NIPSNAP1: variants seen among roughly 807,000 people sequenced by gnomAD.
NIPSNAP1 encodes the protein protein NipSnap homolog 1.
NIPSNAP1 carries 25 observed loss-of-function variants against 49.2 expected under a neutral mutation model. That is an observed-to-expected ratio of 0.51 (90% confidence interval 0.37 to 0.71). NIPSNAP1 has a LOEUF of 0.71. Among genes scored for constraint, NIPSNAP1 ranks in the 30% least tolerant of loss-of-function variants. The pLI is 0.00. For synonymous variants in NIPSNAP1, 143 were observed against 140.7 expected (o/e 1.02, Z -0.12); for missense variants, 294 against 361.0 (o/e 0.81, Z 1.50).
intron 1 of NIPSNAP1, 52 bp downstream of exon 1, chr22:29,580,933 G>A: frequency 2.7e-5 from 37 of 1,385,606 alleles, no homozygotes; most frequent in Non-Finnish European, 3.5e-5. Flanking sequence ...CCTGGCCCCC[G>A]CGCCTGCACC....
Position 29,561,666 on chromosome 22 carries a change from G to A in NIPSNAP1, c.439-20C>T, listed in dbSNP as rs748285469. 1 of 1,614,104 alleles carries A rather than the reference G, an allele frequency of 6.2e-7. No individual in the cohort carries two copies. ...GTACTCCTGTGGGCATGGTGGTAAA[G>A]GCATGGCTACCAGGAAGTGCGCTCC... On this transcript the variant is annotated intron_variant, in intron 5 of 9. Coordinates refer to ENST00000216121, the MANE Select transcript of NIPSNAP1 (RefSeq NM_003634.4).
In NIPSNAP1 at chr22:29,561,583, G is replaced by A; in HGVS notation, c.502C>T (p.Leu168Phe). The change falls in exon 6 of 10, where the codon CTC (leucine) becomes TTC (phenylalanine). Residue 168 changes from leucine to phenylalanine, a missense_variant. Leu to Phe is a conservative substitution (Grantham distance 22). This residue lies in a region of NIPSNAP1 where 146 missense variants were observed against 219.9 expected (regional missense o/e 0.66). Transcript: ENST00000216121. ...MLLSRRNQLL[L>F]EFSFWNEPQP... ...GGCTCATTCCAGAAGCTGAACTCGA[G>A]GAGCAGCTGGTTTCTCCTGGACAGC... The A allele has an allele frequency of 1.9e-6, 3 of 1,614,070 alleles. No individual in the cohort carries two copies. The highest frequency in any genetic ancestry group is 2.5e-6 in the Non-Finnish European group (3 of 1,179,996).
At chr22:29,576,828 G>A (rs994260704) in intron 1 of NIPSNAP1, among the ~76,000 whole-genome samples, 2 of 151,022 alleles carry the variant, frequency 1.3e-5, no homozygotes, top group African/African-American at 2.5e-5. Context: ...GGGAGGCTGA[G>A]GCAGGAGAAT....
intron 1 of NIPSNAP1, among the ~76,000 whole-genome samples, chr22:29,572,084 C>T (rs1416685389): frequency 6.6e-6 from 1 of 152,118 alleles, no homozygotes; most frequent in Non-Finnish European, 1.5e-5. Context: ...AGGCAGATCA[C>T]CTGAGGTCAG....
intron 1 of NIPSNAP1, among the ~76,000 whole-genome samples, chr22:29,574,104 T>G (rs962462592): frequency 6.7e-6 from 1 of 148,720 alleles, no homozygotes; most frequent in Non-Finnish European, 1.5e-5. Context: ...TAAAAAAAGA[T>G]ACAAAATATT....
chr22:29,558,223 A>G (rs1481061670), intron 9 of NIPSNAP1, among the ~76,000 whole-genome samples: 5 of 152,182 alleles, frequency 3.3e-5, no homozygotes, highest in Admixed American at 3.3e-4. Flanking sequence ...TAATCACAGC[A>G]CTTTGGGAGG....
intron 9 of NIPSNAP1, among the ~76,000 whole-genome samples, chr22:29,558,570 A>G (rs1389384586): frequency 6.6e-6 from 1 of 152,224 alleles, no homozygotes; most frequent in Non-Finnish European, 1.5e-5. Context: ...ACTATCTTAC[A>G]GACGAGGGAA....
At chr22:29,559,579 C>T (rs997884888) in intron 8 of NIPSNAP1, among the ~76,000 whole-genome samples, 3 of 151,840 alleles carry the variant, frequency 2.0e-5, no homozygotes, top group African/African-American at 4.8e-5. Context: ...GCCAAAATTA[C>T]GCTCCTGACC....
chr22:29,561,385 C>T (rs1314240128), intron 6 of NIPSNAP1, 121 bp downstream of exon 6: 19 of 1,499,252 alleles, frequency 1.3e-5, no homozygotes. Flanking sequence ...GTATACAACT[C>T]TGCTCTGAGC....
intron 1 of NIPSNAP1, chr22:29,579,888 G>A (rs376239161): frequency 3.4e-5 from 12 of 357,658 alleles, no homozygotes; most frequent in Non-Finnish European, 5.5e-5. Context: ...CTTTTCCCAC[G>A]GTGTCAGCTT....
intron 4 of NIPSNAP1, among the ~76,000 whole-genome samples, chr22:29,563,098 T>TA (rs695281): frequency 1.4e-3 from 178 of 131,332 alleles, no homozygotes; most frequent in East Asian, 7.0e-3. Context: ...GACTCCATCT[T>TA]AAAAAAAAAA....
intron 1 of NIPSNAP1, among the ~76,000 whole-genome samples, chr22:29,574,865 G>A (rs1022742737): frequency 1.3e-5 from 2 of 151,814 alleles, no homozygotes; most frequent in Non-Finnish European, 2.9e-5. Context: ...GAGGCTCTAA[G>A]CCAGGGATCT....
chr22:29,570,949 G>GC (rs1196448954), intron 1 of NIPSNAP1, among the ~76,000 whole-genome samples: 1 of 151,832 alleles, frequency 6.6e-6, no homozygotes, highest in African/African-American at 2.4e-5. Context: ...CTCCCCTCCT[G>GC]CCCCCTCACC....
At chr22:29,577,136 T>C (rs2064458881) in intron 1 of NIPSNAP1, among the ~76,000 whole-genome samples, 1 of 151,072 alleles carries the variant, frequency 6.6e-6, no homozygotes, top group Non-Finnish European at 1.5e-5. Context: ...TCACCCAGGC[T>C]GGAGTGCAGT....
chr22:29,567,175 T>C (rs999152189), intron 4 of NIPSNAP1, among the ~76,000 whole-genome samples: 1 of 152,174 alleles, frequency 6.6e-6, no homozygotes, highest in African/African-American at 2.4e-5. Context: ...GCTATCATTT[T>C]GGACAGTGTG....
At chr22:29,567,449 G>A (rs1416368131) in intron 4 of NIPSNAP1, among the ~76,000 whole-genome samples, 3 of 152,178 alleles carry the variant, frequency 2.0e-5, no homozygotes, top group African/African-American at 4.8e-5. Context: ...TGATCAGGGC[G>A]TGAGGAGGTA....
At chr22:29,557,509 C>A (rs2146599616) in intron 9 of NIPSNAP1, among the ~76,000 whole-genome samples, 1 of 152,130 alleles carries the variant, frequency 6.6e-6, no homozygotes, top group Middle Eastern at 3.4e-3. Context: ...CTCCCTGCAG[C>A]CTCAAACTCC....
intron 8 of NIPSNAP1, among the ~76,000 whole-genome samples, chr22:29,559,190 C>T (rs1024989209): frequency 2.6e-5 from 4 of 152,212 alleles, no homozygotes; most frequent in African/African-American, 9.7e-5. Flanking sequence ...CTCCAGACTC[C>T]TATATCCATC....
chr22:29,572,534 A>C (rs2064417464), intron 1 of NIPSNAP1, among the ~76,000 whole-genome samples: 1 of 151,112 alleles, frequency 6.6e-6, no homozygotes, highest in African/African-American at 2.4e-5. Flanking sequence ...AATAATAAAT[A>C]TGACTGGCTT....
Sources: gnomAD v4.1 joint callset for allele counts (sites outside exome capture counted in the v4.1 genomes callset) on GRCh38, gnomAD v4.1.1 for gene constraint, gnomAD v4.1.1 regional missense constraint, MANE v1.5 for transcripts, NCBI Gene and HGNC (gene_info 2026-07-23, HGNC 2026-07-21) for gene names.